The following DHX16 variants were observed in gnomAD, a reference collection of about 807,000 sequenced individuals.
DHX16 encodes the protein pre-mRNA-splicing factor ATP-dependent RNA helicase DHX16.
DHX16 carries 81 observed loss-of-function variants against 131.2 expected under a neutral mutation model. The observed-to-expected ratio is 0.62, with a 90% CI of 0.52 to 0.74. DHX16 has a LOEUF of 0.74. DHX16 is among the 30% of genes least tolerant of loss of function. The pLI, the probability that DHX16 is intolerant of heterozygous loss-of-function variation, is 0.00. For missense variants in DHX16, 980 were observed against 1,363.1 expected, an observed-to-expected ratio of 0.72 and a Z score of 4.43; for synonymous variants, 440 against 520.2, an observed-to-expected ratio of 0.85 and a Z score of 2.10.
In DHX16 at chr6:30,656,902, C is replaced by T; in HGVS notation, c.2148+50G>A. The T allele has an allele frequency of 1.3e-6, 2 of 1,595,504 alleles. No individual in the cohort carries two copies. Among genetic ancestry groups the T allele is most frequent in the South Asian group, 2.3e-5 (2 of 88,436 alleles). ...CCACCCTGCTTCTGAGTTGGACCTTCTCTGTGGGCCAACTCCACCTCCCCC... is the reference window on the plus strand; with the variant it reads ...CCACCCTGCTTCTGAGTTGGACCTTTTCTGTGGGCCAACTCCACCTCCCCC... On this transcript the variant is annotated intron_variant, in intron 13 of 19. Transcript: ENST00000376442. The surrounding 1 kb of genome is among the most constrained non-coding windows in gnomAD (Gnocchi z 5.1).
chr6:30,672,729 G>T lies in DHX16; in HGVS notation c.113C>A (p.Thr38Asn). Residue 38 changes from threonine (T) to asparagine (N), a missense_variant, in exon 1 of 20, where the codon ACC becomes AAC. By Grantham distance (65) the Thr-to-Asn change is moderately conservative. This residue lies in a region of DHX16 where 457 missense variants were observed against 554.8 expected (regional missense o/e 0.82). Transcript: ENST00000376442. ...GCGCTGCACGAACTCCTCGGCAGAG[G>T]TGCAGCGCTGTGCGGTACCGATCAG... is the stretch of plus-strand genomic sequence containing the variant. ...QFLIGTAQRC[T>N]SAEEFVQRLR... 6.2e-7 allele frequency: 1 copy of T among 1,613,028 alleles called. No individual in the cohort carries two copies. The highest frequency in any genetic ancestry group is 8.5e-7 in the Non-Finnish European group (1 of 1,180,024).
Position 30,665,199 on chromosome 6 carries a change from G to A in DHX16, c.997C>T (p.Arg333Trp). 1.2e-6 allele frequency: 2 copies of A among 1,609,948 alleles called. No individual in the cohort carries two copies. Among genetic ancestry groups the A allele is most frequent in the Non-Finnish European group, 1.7e-6 (2 of 1,179,824 alleles). ...AACTTCAGGGACGCTGCCCCAAGCC[G>A]CGCCTCCTCCCAGCGCCGCTGCTCC... ...GEEQRRWEEA[R>W]LGAASLKFGA... Residue 333 changes from arginine to tryptophan, a missense_variant, in exon 6 of 20, where the codon CGG becomes TGG. Arg to Trp is a moderately radical substitution (Grantham distance 101). Around this residue, in one of 3 missense-constraint regions of DHX16, gnomAD observed 457 missense variants for 554.8 expected, o/e 0.82. Coordinates refer to ENST00000376442, the MANE Select transcript of DHX16 (RefSeq NM_003587.5). The surrounding 1 kb of genome is among the most constrained non-coding windows in gnomAD (Gnocchi z 4.8).
In DHX16 at chr6:30,662,840, A is replaced by G; in HGVS notation, c.1428+71T>C. On this transcript the variant is annotated intron_variant, in intron 8 of 19. Transcript: ENST00000376442. This position sits in a 1 kb window ranked among gnomAD's most constrained non-coding sequence, Gnocchi z 4.7. ...GGGGCAGCACCAAGACTTCTGCTGT[A>G]GGGACCTGAGGGAACTGTAGACTGA... is the stretch of plus-strand genomic sequence containing the variant. 2 of 1,554,206 alleles carry G rather than the reference A, an allele frequency of 1.3e-6. No homozygotes were observed. The highest frequency in any genetic ancestry group is 8.9e-7 in the Non-Finnish European group (1 of 1,128,424).
chr6:30,665,637 ACTC>A lies in DHX16; in HGVS notation c.760_762del (p.Glu254del). On this transcript the variant is annotated inframe_deletion, in exon 5 of 20. Coordinates refer to ENST00000376442, the MANE Select transcript of DHX16 (RefSeq NM_003587.5). The surrounding 1 kb of genome is among the most constrained non-coding windows in gnomAD (Gnocchi z 4.8). ...CTCAGCTCCACGTCCCCAAAAAGGA[ACTC>A]CTCATCAGCCAGCTCCGCCTCCAGG... 2 of 1,612,000 alleles carry A rather than the reference ACTC, an allele frequency of 1.2e-6. No homozygotes were observed. The highest frequency in any genetic ancestry group is 1.7e-6 in the Non-Finnish European group (2 of 1,179,832).
chr6:30,661,518 C>T (rs554870012), intron 9 of DHX16, among the ~76,000 whole-genome samples: 6 of 152,296 alleles, frequency 3.9e-5, no homozygotes, highest in African/African-American at 1.4e-4. Flanking sequence ...TCCTGTGGGA[C>T]AACTGCTGCT....
In DHX16 at chr6:30,656,697, C is replaced by T. The variant is rs138878592; in HGVS notation, c.2211G>A (p.Leu737=). ...GRVAAGKCFR[L]YTAWAYQHEL... ...CGTGCTGATAGGCCCAGGCGGTATA[C>T]AGGCGGAAGCACTTCCCTGCAGCCA... The change falls in exon 14 of 20, where the codon CTG becomes CTA. Residue 737 remains leucine (L), a synonymous_variant. Transcript: ENST00000376442. This position sits in a 1 kb window ranked among gnomAD's most constrained non-coding sequence, Gnocchi z 5.1. 1.5e-5 allele frequency: 24 copies of T among 1,613,496 alleles called. No homozygotes were observed. In the African/African-American group the frequency reaches 3.2e-4, roughly 22 times the overall value.
rs55740398 is a variant in DHX16 at position 30,665,815 on chromosome 6, C to A, written c.667-82G>T. The A allele has an allele frequency of 3.0e-3, 4,631 of 1,520,446 alleles. 13 individuals carry two copies. The highest frequency in any genetic ancestry group is 3.3e-3 in the Non-Finnish European group (3,728 of 1,138,526). 94.2% of individuals were successfully genotyped at this position (1,520,446 alleles called of 1,614,324 possible). ...CTACCAATCCCTACAAGGGAAAAATCCCCTGACAGGCAGGCATGAGAACCT... is the reference window on the plus strand; with the variant it reads ...CTACCAATCCCTACAAGGGAAAAATACCCTGACAGGCAGGCATGAGAACCT... On this transcript the variant is annotated intron_variant, in intron 4 of 19. Coordinates refer to ENST00000376442, the MANE Select transcript of DHX16 (RefSeq NM_003587.5). This position sits in a 1 kb window ranked among gnomAD's most constrained non-coding sequence, Gnocchi z 4.8.
In DHX16 at chr6:30,654,817, C is replaced by G. The variant is rs146265602; in HGVS notation, c.2886G>C (p.Val962=). ...ARLTRSGYRT[V]KQQQTVFIHP... ...GAATGAAGACTGTCTGCTGCTGTTTCACTGTGCGGTAGCCACTCCGAGTCA... is the reference window on the plus strand; with the variant it reads ...GAATGAAGACTGTCTGCTGCTGTTTGACTGTGCGGTAGCCACTCCGAGTCA... Residue 962 remains valine, a synonymous_variant, in exon 19 of 20, where the codon GTG becomes GTC. Transcript: ENST00000376442. 4,139 of 1,613,036 alleles carry G rather than the reference C, an allele frequency of 2.6e-3. 24 individuals are homozygous for G. Among genetic ancestry groups the G allele is most frequent in the Middle Eastern group, 0.023 (137 of 6,060 alleles).
rs764181236 is a variant in DHX16 at position 30,656,556 on chromosome 6, T to A, written c.2311+41A>T. ...GGAACAGAGTCCCTTCAAAGGACAGTGACTCCAGCCCCTCCCTCCTCTCTC... is the reference window on the plus strand; with the variant it reads ...GGAACAGAGTCCCTTCAAAGGACAGAGACTCCAGCCCCTCCCTCCTCTCTC... On this transcript the variant is annotated intron_variant, in intron 14 of 19. Transcript: ENST00000376442. This position sits in a 1 kb window ranked among gnomAD's most constrained non-coding sequence, Gnocchi z 5.1. 1 of 1,614,104 alleles carries A rather than the reference T, an allele frequency of 6.2e-7. No homozygotes were observed. The highest frequency in any genetic ancestry group is 1.7e-5 in the Admixed American group (1 of 60,008).
At chr6:30,659,316 T>C (rs1221508699) in intron 12 of DHX16, among the ~76,000 whole-genome samples, 156 bp downstream of exon 12, 1 of 152,250 alleles carries the variant, frequency 6.6e-6, no homozygotes, top group Non-Finnish European at 1.5e-5. Context: ...TCACACCATA[T>C]TTCTCCTCTC....
rs191742100 is a variant in DHX16 at position 30,662,891 on chromosome 6, C to T, written c.1428+20G>A. ...GTCACAGACCCCAGACTCTACCCCC[C>T]GGTTCCCTAGAAATCTCACCTCATT... On this transcript the variant is annotated intron_variant, in intron 8 of 19. Transcript: ENST00000376442. This position sits in a 1 kb window ranked among gnomAD's most constrained non-coding sequence, Gnocchi z 4.7. 1,102 of 1,608,792 alleles carry T rather than the reference C, an allele frequency of 6.8e-4. 8 individuals are homozygous for T. The African/African-American group carries it at 0.014, about 20-fold the overall frequency.
rs754188233 is a variant in DHX16, at chr6:30,654,710, C to CT, written c.2992dup (p.Arg998LysfsTer7). The CT allele has an allele frequency of 6.2e-7, 1 of 1,611,658 alleles. No individual in the cohort carries two copies. The highest frequency in any genetic ancestry group is 1.7e-5 in the Admixed American group (1 of 59,906). On this transcript the variant is annotated frameshift_variant, in exon 19 of 20. Coordinates refer to ENST00000376442, the MANE Select transcript of DHX16 (RefSeq NM_003587.5). LOFTEE classifies it high-confidence loss of function. ...GGCACAGGATGTTCTCCTCACCTGT[C>CT]TCATGAACTCTTTGGTGGTCAAGAC...
intron 1 of DHX16, among the ~76,000 whole-genome samples, chr6:30,671,903 G>A (rs1048782546): frequency 6.7e-6 from 1 of 149,738 alleles, no homozygotes; most frequent in African/African-American, 2.5e-5. Context: ...GGCTGGTCTC[G>A]AACTCCTGGG....
chr6:30,656,225 A>T lies in DHX16; in HGVS notation c.2471T>A (p.Leu824Gln), dbSNP rs752792393. Reference protein sequence around the residue: ...KMAELPVDPMLSKMILASEKY... With the variant: ...KMAELPVDPMQSKMILASEKY... ...CTCAGAGGCTAAGATCATTTTGGAC[A>T]GCATGGGGTCCACCGGCAGCTCTGC... The change falls in exon 16 of 20, where the codon CTG becomes CAG. Residue 824 changes from leucine to glutamine, a missense_variant. By Grantham distance (113) the Leu-to-Gln change is moderately radical (BLOSUM62 -2). This residue lies in a region of DHX16 where 309 missense variants were observed against 537.1 expected (regional missense o/e 0.58). Coordinates refer to ENST00000376442, the MANE Select transcript of DHX16 (RefSeq NM_003587.5). This position sits in a 1 kb window ranked among gnomAD's most constrained non-coding sequence, Gnocchi z 5.1. 1 of 1,613,480 alleles carries T rather than the reference A, an allele frequency of 6.2e-7. No homozygotes were observed. The highest frequency in any genetic ancestry group is 8.5e-7 in the Non-Finnish European group (1 of 1,180,024).
chr6:30,661,941 A>C (rs958405579), intron 9 of DHX16: 1 of 710,134 alleles, frequency 1.4e-6, no homozygotes, highest in Non-Finnish European at 2.6e-6. Context: ...CAAGACCAGA[A>C]ATTCACAGCC....
rs1769008604 is a variant in DHX16 at position 30,665,974 on chromosome 6, C to CT, written c.667-242dup. On this transcript the variant is annotated intron_variant, in intron 4 of 19. Transcript: ENST00000376442. This position sits in a 1 kb window ranked among gnomAD's most constrained non-coding sequence, Gnocchi z 4.8. Reference sequence around the variant, plus strand: ...CAGCAGAATCCAGCTGGAAAGTCCTCTTAGGCAGCATTATCATCTTTGTTA... The same window carrying CT: ...CAGCAGAATCCAGCTGGAAAGTCCTCTTTAGGCAGCATTATCATCTTTGTTA... Among the ~76,000 whole-genome samples, 1 of 152,190 alleles carries CT rather than the reference C, an allele frequency of 6.6e-6. No individual in the cohort carries two copies. The highest frequency in any genetic ancestry group is 1.9e-4 in the East Asian group (1 of 5,194).
chr6:30,663,110 AC>A, intron 7 of DHX16, 89 bp from the exon 8 acceptor site: 1 of 1,076,282 alleles, frequency 9.3e-7, no homozygotes, highest in Non-Finnish European at 1.4e-6. Flanking sequence ...AGTTGTAAAA[AC>A]CAGGCAGGAG....
Position 30,659,834 on chromosome 6 carries a change from C to G in DHX16, c.1756G>C (p.Ala586Pro). Reference protein sequence around the residue: ...RFPVDIFYTKAPEADYLEACV... With the variant: ...RFPVDIFYTKPPEADYLEACV... ...GCTTCCAAGTAGTCAGCCTCTGGAG[C>G]CTGGAGAGCAGAAAGAGATGGGGTC... The change falls in exon 11 of 20, where the codon GCT becomes CCT. Residue 586 changes from alanine to proline, a missense_variant and splice_region_variant. Ala to Pro is a conservative substitution (Grantham distance 27). Around this residue, in one of 3 missense-constraint regions of DHX16, gnomAD observed 309 missense variants for 537.1 expected, o/e 0.58. Coordinates refer to ENST00000376442, the MANE Select transcript of DHX16 (RefSeq NM_003587.5). The G allele has an allele frequency of 1.2e-6, 2 of 1,613,962 alleles. No individual in the cohort carries two copies. The highest frequency in any genetic ancestry group is 1.7e-6 in the Non-Finnish European group (2 of 1,179,896).
At chr6:30,663,145 G>C in intron 7 of DHX16, 124 bp from the exon 8 acceptor site, 1 of 770,896 alleles carries the variant, frequency 1.3e-6, no homozygotes, top group East Asian at 2.6e-5. Flanking sequence ...GACAGATGCT[G>C]AAAACCAGAA....
Sources: gnomAD v4.1 joint callset for allele counts (sites outside exome capture counted in the v4.1 genomes callset) on GRCh38, gnomAD v4.1.1 for gene constraint, gnomAD v4.1.1 regional missense constraint, Gnocchi (gnomAD v3.1) non-coding constraint, MANE v1.5 for transcripts, NCBI Gene and HGNC (gene_info 2026-07-23, HGNC 2026-07-21) for gene names.